CNTN2: variants seen among roughly 807,000 people sequenced by gnomAD.
CNTN2 encodes contactin 2.
A neutral mutation model predicts 117.5 loss-of-function variants in CNTN2; 53 were observed. The ratio of observed to expected loss-of-function variants is 0.45; its 90% CI spans 0.36 to 0.57. The LOEUF (loss-of-function observed/expected upper bound fraction) is 0.57, where lower values mean the gene tolerates loss of function less well. Among genes scored for constraint, CNTN2 ranks in the 20% least tolerant of loss-of-function variants. The pLI is 0.00. For missense variants in CNTN2, 1,106 were observed against 1,404.3 expected (o/e 0.79, Z 3.39); for synonymous variants, 530 against 561.7 (o/e 0.94, Z 0.80).
rs748759051 is a variant in CNTN2 at position 205,064,479 on chromosome 1, C to A, written c.1391+7C>A. 3.6e-5 allele frequency: 57 copies of A among 1,602,778 alleles called. No individual in the cohort carries two copies. The highest frequency in any genetic ancestry group is 5.4e-5 in the African/African-American group (4 of 74,732). On this transcript the variant is annotated splice_region_variant and intron_variant, in intron 11 of 22. Transcript: ENST00000331830. ...TTTTGGTCAACAGCAGCAGGTACCA[C>A]CCACACCCCACCCTGCACAGTTCCT...
Position 205,058,138 on chromosome 1 carries a change from C to G in CNTN2, c.216-43C>G, listed in dbSNP as rs751618442. On this transcript the variant is annotated intron_variant, in intron 3 of 22. Coordinates refer to ENST00000331830, the MANE Select transcript of CNTN2 (RefSeq NM_005076.5). This position sits in a 1 kb window ranked among gnomAD's most constrained non-coding sequence, Gnocchi z 4.3. ...CTTTCCCTCTCATCAGCCCTGCCAC[C>G]AGGCAGGACTCAGAGGTCCCCTTCC... is the stretch of plus-strand genomic sequence containing the variant. 13 of 1,596,468 alleles carry G rather than the reference C, an allele frequency of 8.1e-6. No individual in the cohort carries two copies. The East Asian group carries it at 2.7e-4, about 33-fold the overall frequency.
intron 1 of CNTN2, among the ~76,000 whole-genome samples, chr1:205,051,726 C>A (rs1426806177): frequency 1.3e-5 from 2 of 152,052 alleles, no homozygotes; most frequent in Non-Finnish European, 2.9e-5. Flanking sequence ...CCTTTGGGTG[C>A]CAACTGTGGC....
At position 205,053,156 on chromosome 1, in the gene CNTN2, C is replaced by T. The variant is rs752184292; in HGVS notation, c.-30C>T. On this transcript the variant is annotated 5_prime_UTR_variant, in exon 2 of 23. Coordinates refer to ENST00000331830, the MANE Select transcript of CNTN2 (RefSeq NM_005076.5). ...CAAGCTGAGCTGAGGCTCTTCTCCT[C>T]CGATCCCCACCTCTGCCCGGACATC... 6.3e-7 allele frequency: 1 copy of T among 1,596,748 alleles called. No homozygotes were observed. The highest frequency in any genetic ancestry group is 8.6e-7 in the Non-Finnish European group (1 of 1,169,008).
Position 205,065,880 on chromosome 1 carries a change from C to T in CNTN2, c.1787C>T (p.Ala596Val), listed in dbSNP as rs578081549. ...TCMAQTVVDS[A>V]SKEATVLVRG... ...ATGGCCCAGACGGTGGTGGACAGCG[C>T]GTCCAAGGAGGCCACAGTCCTGGTC... The change falls in exon 14 of 23, where the codon GCG becomes GTG. Residue 596 changes from alanine to valine, a missense_variant. Physicochemically the swap from Ala to Val is moderately conservative, Grantham distance 64. Coordinates refer to ENST00000331830, the MANE Select transcript of CNTN2 (RefSeq NM_005076.5). The surrounding 1 kb of genome is among the most constrained non-coding windows in gnomAD (Gnocchi z 4.1). 1.6e-5 allele frequency: 26 copies of T among 1,611,440 alleles called. No homozygotes were observed. The African/African-American group carries it at 2.9e-4, about 18-fold the overall frequency.
At chr1:205,062,613 A>G (rs1466641091) in intron 10 of CNTN2, 44 bp downstream of exon 10, 1 of 1,584,224 alleles carries the variant, frequency 6.3e-7, no homozygotes, top group Admixed American at 1.8e-5. Context: ...GGACATGCAT[A>G]TGGTGGCTTT....
intron 19 of CNTN2, 34 bp downstream of exon 19, chr1:205,070,572 G>A (rs1166412992): frequency 3.3e-6 from 5 of 1,512,534 alleles, no homozygotes; most frequent in Non-Finnish European, 4.6e-6. Context: ...GAGAGGAAGG[G>A]GTGCTGGGGC....
chr1:205,051,703 C>G (rs760339741), intron 1 of CNTN2, among the ~76,000 whole-genome samples: 1 of 152,172 alleles, frequency 6.6e-6, no homozygotes, highest in Non-Finnish European at 1.5e-5. Flanking sequence ...TCTCCCTTCT[C>G]TCCCCCCAGG....
Position 205,069,492 on chromosome 1 carries a change from C to T in CNTN2, c.2127C>T (p.Ala709=), listed in dbSNP as rs1332153456. The T allele has an allele frequency of 6.2e-7, 1 of 1,613,954 alleles. No individual in the cohort carries two copies. The highest frequency in any genetic ancestry group is 1.3e-5 in the African/African-American group (1 of 74,902). Residue 709 remains alanine (A), a splice_region_variant and synonymous_variant, in exon 17 of 23, where the codon GCC becomes GCT. Coordinates refer to ENST00000331830, the MANE Select transcript of CNTN2 (RefSeq NM_005076.5). ...TCGGTGTCCCTTGGCCCTTGACAGC[C>T]CCCTCGGTGGCACCCTCAGGACTCA... ...PSSKIRTREA[A]PSVAPSGLSG... is the part of the protein sequence containing the mutation.
Position 205,069,847 on chromosome 1 carries a change from G to A in CNTN2, c.2217G>A (p.Gln739=). ...CTCAGCCCATGTCACGGGAGTACCAGAACGGAGACGGCTTCGGCTACCTGC... is the reference window on the plus strand; with the variant it reads ...CTCAGCCCATGTCACGGGAGTACCAAAACGGAGACGGCTTCGGCTACCTGC... ...VNWTPMSREY[Q]NGDGFGYLLS... Residue 739 remains glutamine, a synonymous_variant, in exon 18 of 23, where the codon CAG becomes CAA. Coordinates refer to ENST00000331830, the MANE Select transcript of CNTN2 (RefSeq NM_005076.5). The A allele has an allele frequency of 6.2e-7, 1 of 1,613,848 alleles. No homozygotes were observed. Among genetic ancestry groups the A allele is most frequent in the South Asian group, 1.1e-5 (1 of 91,068 alleles).
intron 1 of CNTN2, among the ~76,000 whole-genome samples, chr1:205,049,935 G>A (rs1377880116): frequency 1.3e-5 from 2 of 152,162 alleles, no homozygotes; most frequent in African/African-American, 4.8e-5. Flanking sequence ...TGGTGGCCTT[G>A]AGACAGGTCC....
In CNTN2 at chr1:205,076,843, G is replaced by GAAACAAATGAAACAAATA. The variant is rs1654888390; in HGVS notation, c.*3078_*3079insAAACAAATGAAACAAATA. The GAAACAAATGAAACAAATA allele has an allele frequency of 5.3e-5, 8 of 152,308 alleles. No homozygotes were observed. The highest frequency in any genetic ancestry group is 5.2e-4 in the Admixed American group (8 of 15,282). 9.4% of individuals were successfully genotyped at this position (152,308 alleles called of 1,614,324 possible). Reference sequence around the variant, plus strand: ...GTCAGGTTATCTGCTTTCATTCAGGGCAACAAATGATACAAATGGTGCCAG... The same window carrying GAAACAAATGAAACAAATA: ...GTCAGGTTATCTGCTTTCATTCAGGGAAACAAATGAAACAAATACAACAAATGATACAAATGGTGCCAG... On this transcript the variant is annotated 3_prime_UTR_variant, in exon 23 of 23. Transcript: ENST00000331830.
At position 205,059,058 on chromosome 1, in the gene CNTN2, G is replaced by C; in HGVS notation, c.488-26G>C. The C allele has an allele frequency of 6.2e-7, 1 of 1,611,528 alleles. No homozygotes were observed. Among genetic ancestry groups the C allele is most frequent in the African/African-American group, 1.3e-5 (1 of 74,984 alleles). On this transcript the variant is annotated intron_variant, in intron 5 of 22. Transcript: ENST00000331830. The surrounding 1 kb of genome is among the most constrained non-coding windows in gnomAD (Gnocchi z 5.6). The stretch of plus-strand genomic sequence containing the variant: ...GGCCCTGTTAGCCCAGCACCCCCTG[G>C]TTTCCTCAAACTCCTCACATCCTAG...
In CNTN2 at chr1:205,064,765, G is replaced by A. The variant is rs770919302; in HGVS notation, c.1519+15G>A. 5.0e-6 allele frequency: 8 copies of A among 1,613,496 alleles called. No individual in the cohort carries two copies. Among genetic ancestry groups the A allele is most frequent in the Non-Finnish European group, 6.8e-6 (8 of 1,179,734 alleles). On this transcript the variant is annotated intron_variant, in intron 12 of 22. Coordinates refer to ENST00000331830, the MANE Select transcript of CNTN2 (RefSeq NM_005076.5). ...ATCTGTGCGAGGTGAGGGCTGCCAT[G>A]TGGGTAGGCCGGGGGCTCAGCCTCC...
intron 1 of CNTN2, among the ~76,000 whole-genome samples, chr1:205,050,202 C>T (rs1341380299): frequency 6.6e-6 from 1 of 152,142 alleles, no homozygotes; most frequent in Non-Finnish European, 1.5e-5. Context: ...GGATAACTCC[C>T]TGCATTCGTA....
In CNTN2 at chr1:205,073,778, T is replaced by C. The variant is rs761803377; in HGVS notation, c.*13T>C. 12 of 1,607,854 alleles carry C rather than the reference T, an allele frequency of 7.5e-6. No homozygotes were observed. The highest frequency in any genetic ancestry group is 1.0e-5 in the Non-Finnish European group (12 of 1,175,624). On this transcript the variant is annotated 3_prime_UTR_variant, in exon 23 of 23. Coordinates refer to ENST00000331830, the MANE Select transcript of CNTN2 (RefSeq NM_005076.5). The surrounding 1 kb of genome is among the most constrained non-coding windows in gnomAD (Gnocchi z 6.3). ...CCTGGAGCTCTGATCCTGGAACCCC[T>C]CCCTCTGCGCCGCAGCTGGACGCCA...
rs1029259300 is a variant in CNTN2, at chr1:205,074,506, C to T, written c.*741C>T. The T allele has an allele frequency of 1.8e-5, 7 of 398,134 alleles. No individual in the cohort carries two copies. Among genetic ancestry groups the T allele is most frequent in the African/African-American group, 4.1e-5 (2 of 48,610 alleles). 24.7% of individuals were successfully genotyped at this position (398,134 alleles called of 1,614,324 possible). On this transcript the variant is annotated 3_prime_UTR_variant, in exon 23 of 23. Coordinates refer to ENST00000331830, the MANE Select transcript of CNTN2 (RefSeq NM_005076.5). Reference sequence around the variant, plus strand: ...TCTGAGATAGTCACAACCCAGGTGACGATGCCCTCTCAGCCAACACTGCCA... The same window carrying T: ...TCTGAGATAGTCACAACCCAGGTGATGATGCCCTCTCAGCCAACACTGCCA...
intron 2 of CNTN2, among the ~76,000 whole-genome samples, chr1:205,056,987 T>C (rs906812032): frequency 4.6e-5 from 7 of 152,170 alleles, no homozygotes; most frequent in Non-Finnish European, 1.0e-4. Context: ...GGACATTTCT[T>C]GAATTGTGAT....
chr1:205,070,083 T>G, intron 18 of CNTN2, 22 bp downstream of exon 18: 1 of 1,606,512 alleles, frequency 6.2e-7, no homozygotes, highest in Non-Finnish European at 8.5e-7. Flanking sequence ...CTGGGCCCCC[T>G]GCTCGTCCCT....
chr1:205,049,861 TG>T (rs2151183329), intron 1 of CNTN2, among the ~76,000 whole-genome samples: 1 of 152,280 alleles, frequency 6.6e-6, no homozygotes, highest in Non-Finnish European at 1.5e-5. Flanking sequence ...CAGATACAAG[TG>T]GAGCTGCTCT....
Sources: gnomAD v4.1 joint callset for allele counts (sites outside exome capture counted in the v4.1 genomes callset) on GRCh38, gnomAD v4.1.1 for gene constraint, Gnocchi (gnomAD v3.1) non-coding constraint, MANE v1.5 for transcripts, NCBI Gene and HGNC (gene_info 2026-07-23, HGNC 2026-07-21) for gene names.